Variants in ZYX observed in about 807,000 individuals in gnomAD.
ZYX encodes the protein zyxin.
A neutral mutation model predicts 58.1 loss-of-function variants in ZYX; 37 were observed. The observed-to-expected ratio is 0.64, with a 90% CI of 0.49 to 0.84. ZYX has a LOEUF of 0.84. ZYX is among the 40% of genes least tolerant of loss of function. The pLI, the probability that ZYX is intolerant of heterozygous loss-of-function variation, is 0.00. For missense variants in ZYX, 762 were observed against 761.6 expected, an observed-to-expected ratio of 1.00 and a Z score of -0.01; for synonymous variants, 324 against 321.1, an observed-to-expected ratio of 1.01 and a Z score of -0.10.
At chr7:143,383,788 G>A (rs1804757584) in intron 5 of ZYX, among the ~76,000 whole-genome samples, 1 of 152,228 alleles carries the variant, frequency 6.6e-6, no homozygotes, top group Non-Finnish European at 1.5e-5. Context: ...CACGTGCCAG[G>A]CACTGTGCTC....
Position 143,390,003 on chromosome 7 carries a change from G to T in ZYX, c.1614+26G>T. ...GTCAGCCATCCCTCTGGACTCCTTGGGCAGGTTCTGACCAGGAGGTGGCGG... is the reference window on the plus strand; with the variant it reads ...GTCAGCCATCCCTCTGGACTCCTTGTGCAGGTTCTGACCAGGAGGTGGCGG... On this transcript the variant is annotated intron_variant, in intron 9 of 9. Coordinates refer to ENST00000322764, the MANE Select transcript of ZYX (RefSeq NM_003461.5). This position sits in a 1 kb window ranked among gnomAD's most constrained non-coding sequence, Gnocchi z 4.3. The T allele has an allele frequency of 6.2e-7, 1 of 1,612,906 alleles. No homozygotes were observed. Among genetic ancestry groups the T allele is most frequent in the Non-Finnish European group, 8.5e-7 (1 of 1,179,252 alleles).
At chr7:143,386,508 C>A (rs904711719) in intron 5 of ZYX, among the ~76,000 whole-genome samples, 2 of 151,942 alleles carry the variant, frequency 1.3e-5, no homozygotes, top group Admixed American at 1.3e-4. Context: ...TGTGAGCTCA[C>A]GCTGCAGTGT....
At chr7:143,386,945 G>A (rs1160580427) in intron 5 of ZYX, among the ~76,000 whole-genome samples, 1 of 152,142 alleles carries the variant, frequency 6.6e-6, no homozygotes, top group Non-Finnish European at 1.5e-5. Flanking sequence ...ATACCCATGG[G>A]AGGTGATGCA....
chr7:143,381,835 C>G (rs10808025), intron 2 of ZYX, 56 bp downstream of exon 2: 1,452,761 of 1,453,558 alleles, frequency 1, 725,988 homozygotes, highest in East Asian at 1. Context: ...GGGGGGCAGT[C>G]GTTTCGGGAA....
rs572730465 is a variant in ZYX, at chr7:143,381,696, G to A, written c.125G>A (p.Gly42Glu). ...CCCAAAGTGAATCCCTTCCGGCCCG[G>A]GGACAGCGAGCCTCCCCCGGCACCC... is the stretch of plus-strand genomic sequence containing the variant. ...PKPKVNPFRP[G>E]DSEPPPAPGA... Residue 42 changes from glycine (G) to glutamate (E), a missense_variant, in exon 2 of 10, where the codon GGG (glycine) becomes GAG (glutamate). Transcript: ENST00000322764. 4 of 1,606,510 alleles carry A rather than the reference G, an allele frequency of 2.5e-6. No homozygotes were observed. In the East Asian group the frequency reaches 6.8e-5, roughly 27 times the overall value.
At position 143,389,985 on chromosome 7, in the gene ZYX, A is replaced by G. The variant is rs1490505367; in HGVS notation, c.1614+8A>G. ...AAGTGTTACAAGTGTGAGGTCAGCC[A>G]TCCCTCTGGACTCCTTGGGCAGGTT... is the stretch of plus-strand genomic sequence containing the variant. On this transcript the variant is annotated splice_region_variant and intron_variant, in intron 9 of 9. Transcript: ENST00000322764. The surrounding 1 kb of genome is among the most constrained non-coding windows in gnomAD (Gnocchi z 5.6). 6.2e-7 allele frequency: 1 copy of G among 1,613,706 alleles called. No individual in the cohort carries two copies. Among genetic ancestry groups the G allele is most frequent in the African/African-American group, 1.3e-5 (1 of 74,918 alleles).
chr7:143,385,660 C>CTTTTTTTTT (rs59995035), intron 5 of ZYX, among the ~76,000 whole-genome samples: 1,139 of 68,942 alleles, frequency 0.017, 101 homozygotes, highest in Middle Eastern at 0.062. Flanking sequence ...TGTGGTATAT[C>CTTTTTTTTT]TTTTTTTTTT....
Position 143,390,370 on chromosome 7 carries a change from A to T in ZYX, c.1615-208A>T. ...AAGCACCTTGGGAGCAGCTCTACCC[A>T]CTGCTTGCCCTCTTGCAGGAAGGTC... On this transcript the variant is annotated intron_variant, in intron 9 of 9. Coordinates refer to ENST00000322764, the MANE Select transcript of ZYX (RefSeq NM_003461.5). The surrounding 1 kb of genome is among the most constrained non-coding windows in gnomAD (Gnocchi z 4.3). 5.1e-6 allele frequency: 3 copies of T among 586,368 alleles called. No homozygotes were observed. Among genetic ancestry groups the T allele is most frequent in the Non-Finnish European group, 9.2e-6 (3 of 327,656 alleles). 36.3% of individuals were successfully genotyped at this position (586,368 alleles called of 1,614,324 possible). A position where few individuals can be genotyped will look rare whatever the true frequency, so the allele number is the denominator to read the frequency against.
chr7:143,388,190 A>G lies in ZYX; in HGVS notation c.1024-29A>G. ...AGGTTCTTGGAGGCAGCAGCCCTCT[A>G]GAGTGTGAGGAAAATGTTGGGATTG... On this transcript the variant is annotated intron_variant, in intron 5 of 9. Transcript: ENST00000322764. The surrounding 1 kb of genome is among the most constrained non-coding windows in gnomAD (Gnocchi z 7.5). 1 of 1,573,518 alleles carries G rather than the reference A, an allele frequency of 6.4e-7. No individual in the cohort carries two copies. Among genetic ancestry groups the G allele is most frequent in the Non-Finnish European group, 8.6e-7 (1 of 1,159,366 alleles).
Position 143,381,600 on chromosome 7 carries a change from T to C in ZYX, c.29T>C (p.Ile10Thr). 6.2e-7 allele frequency: 1 copy of C among 1,611,400 alleles called. No individual in the cohort carries two copies. Among genetic ancestry groups the C allele is most frequent in the Non-Finnish European group, 8.5e-7 (1 of 1,179,204 alleles). ...GCGGCCCCCCGCCCGTCTCCCGCGA[T>C]CTCCGTTTCGGTCTCGGCTCCGGCT... The part of the protein sequence containing the change: MAAPRPSPA[I>T]SVSVSAPAFY... The change falls in exon 2 of 10, where the codon ATC becomes ACC. Residue 10 changes from isoleucine to threonine, a missense_variant. Ile to Thr is a moderately conservative substitution (Grantham distance 89). Coordinates refer to ENST00000322764, the MANE Select transcript of ZYX (RefSeq NM_003461.5).
Position 143,383,086 on chromosome 7 carries a change from G to T in ZYX, c.787G>T (p.Ala263Ser), listed in dbSNP as rs1352329533. The change falls in exon 5 of 10, where the codon GCC (alanine) becomes TCC (serine). Residue 263 changes from alanine (A) to serine (S), a missense_variant. By Grantham distance (99) the Ala-to-Ser change is moderately conservative (BLOSUM62 1). Transcript: ENST00000322764. ...GCCCCCAGCCTCATCTCCGGCTCCA[G>T]CCCCTAAGTTTTCTCCAGTGACTCC... ...RGPPASSPAP[A>S]PKFSPVTPKF... 1.2e-6 allele frequency: 2 copies of T among 1,614,184 alleles called. No homozygotes were observed. Among genetic ancestry groups the T allele is most frequent in the Admixed American group, 3.3e-5 (2 of 60,024 alleles).
In ZYX at chr7:143,381,723, G is replaced by T. The variant is rs753139973; in HGVS notation, c.152G>T (p.Gly51Val). The T allele has an allele frequency of 3.1e-6, 5 of 1,601,132 alleles. No individual in the cohort carries two copies. The highest frequency in any genetic ancestry group is 4.3e-6 in the Non-Finnish European group (5 of 1,174,536). ...PGDSEPPPAP[G>V]AQRAQMGRVG... Reference sequence around the variant, plus strand: ...GACAGCGAGCCTCCCCCGGCACCCGGGGCCCAGCGCGCACAGATGGGCCGG... The same window carrying T: ...GACAGCGAGCCTCCCCCGGCACCCGTGGCCCAGCGCGCACAGATGGGCCGG... Residue 51 changes from glycine to valine, a missense_variant, in exon 2 of 10, where the codon GGG becomes GTG. Physicochemically the swap from Gly to Val is moderately radical, Grantham distance 109. Coordinates refer to ENST00000322764, the MANE Select transcript of ZYX (RefSeq NM_003461.5).
intron 5 of ZYX, among the ~76,000 whole-genome samples, chr7:143,385,864 C>A (rs902432493): frequency 1.3e-5 from 2 of 151,664 alleles, no homozygotes; most frequent in East Asian, 3.9e-4. Flanking sequence ...AGGCTGGTCT[C>A]GAACTCCTGA....
Position 143,390,497 on chromosome 7 carries a change from A to G in ZYX, c.1615-81A>G. On this transcript the variant is annotated intron_variant, in intron 9 of 9. Transcript: ENST00000322764. The surrounding 1 kb of genome is among the most constrained non-coding windows in gnomAD (Gnocchi z 4.3). The stretch of plus-strand genomic sequence containing the variant: ...CATGAAGCATCTTTCTAATTCCAAG[A>G]TGGAGCTGGATGGGGTGGGGTAGGG... 1 of 1,040,152 alleles carries G rather than the reference A, an allele frequency of 9.6e-7. No individual in the cohort carries two copies. Among genetic ancestry groups the G allele is most frequent in the Non-Finnish European group, 1.4e-6 (1 of 697,574 alleles). The allele number at this position is 1,040,152 out of a possible 1,614,324, so 64.4% of individuals were successfully genotyped here. A position where few individuals can be genotyped will look rare whatever the true frequency, so the allele number is the denominator to read the frequency against.
rs1239316184 is a variant in ZYX, at chr7:143,390,483, T to G, written c.1615-95T>G. 1 of 922,308 alleles carries G rather than the reference T, an allele frequency of 1.1e-6. No individual in the cohort carries two copies. Among genetic ancestry groups the G allele is most frequent in the African/African-American group, 1.6e-5 (1 of 61,034 alleles). The allele number at this position is 922,308 out of a possible 1,614,324, so 57.1% of individuals were successfully genotyped here. On this transcript the variant is annotated intron_variant, in intron 9 of 9. Transcript: ENST00000322764. This position sits in a 1 kb window ranked among gnomAD's most constrained non-coding sequence, Gnocchi z 4.3. ...CACCAGCTCTGAGCCATGAAGCATCTTTCTAATTCCAAGATGGAGCTGGAT... is the reference window on the plus strand; with the variant it reads ...CACCAGCTCTGAGCCATGAAGCATCGTTCTAATTCCAAGATGGAGCTGGAT...
In ZYX at chr7:143,388,977, C is replaced by T. The variant is rs368585189; in HGVS notation, c.1493+32C>T. The T allele has an allele frequency of 1.1e-5, 17 of 1,586,920 alleles. No individual in the cohort carries two copies. The highest frequency in any genetic ancestry group is 1.4e-5 in the Non-Finnish European group (16 of 1,166,180). On this transcript the variant is annotated intron_variant, in intron 8 of 9. Transcript: ENST00000322764. The surrounding 1 kb of genome is among the most constrained non-coding windows in gnomAD (Gnocchi z 7.5). The stretch of plus-strand genomic sequence containing the variant: ...ACCTGCCACCTGCCTTCTGGGTTCC[C>T]GGCGTGCTTGGTCTGGTAGCCCGGC...
chr7:143,382,218 C>A, intron 2 of ZYX, 30 bp from the exon 3 acceptor site: 1 of 1,597,712 alleles, frequency 6.3e-7, no homozygotes, highest in South Asian at 1.1e-5. Flanking sequence ...AGAGGGACCC[C>A]GGCCGACGTC....
chr7:143,381,914 CT>C, intron 2 of ZYX, 135 bp downstream of exon 2: 2 of 914,050 alleles, frequency 2.2e-6, no homozygotes, highest in Non-Finnish European at 3.2e-6. Context: ...AGCAGATGTT[CT>C]TACCTCATCG....
rs567922507 is a variant in ZYX at position 143,383,797 on chromosome 7, T to C, written c.1023+475T>C. 2.6e-5 allele frequency among the ~76,000 whole-genome samples: 4 copies of C among 152,328 alleles called. No homozygotes were observed. The South Asian group carries it at 6.2e-4, about 24-fold the overall frequency. On this transcript the variant is annotated intron_variant, in intron 5 of 9. Coordinates refer to ENST00000322764, the MANE Select transcript of ZYX (RefSeq NM_003461.5). ...ATCCACCACGTGCCAGGCACTGTGCTCTGTGCCCAGGAGGGTAGGACATGG... is the reference window on the plus strand; with the variant it reads ...ATCCACCACGTGCCAGGCACTGTGCCCTGTGCCCAGGAGGGTAGGACATGG...
Sources: gnomAD v4.1 joint callset for allele counts (sites outside exome capture counted in the v4.1 genomes callset) on GRCh38, gnomAD v4.1.1 for gene constraint, Gnocchi (gnomAD v3.1) non-coding constraint, MANE v1.5 for transcripts, NCBI Gene and HGNC (gene_info 2026-07-23, HGNC 2026-07-21) for gene names.